The following ZNF587B variants were observed in gnomAD, a reference collection of about 807,000 sequenced individuals.
ZNF587B encodes zinc finger protein 587B.
Under a neutral mutation model 7.2 loss-of-function variants are expected in ZNF587B, and 6 were observed. The ratio of observed to expected loss-of-function variants is 0.83; its 90% confidence interval spans 0.46 to 1.65. The LOEUF (loss-of-function observed/expected upper bound fraction) is 1.65. ZNF587B is among the 40% of genes most tolerant of loss of function. The pLI is 0.01. For missense variants in ZNF587B, 749 were observed against 761.0 expected (o/e 0.98, Z 0.19); for synonymous variants, 274 against 254.3 (o/e 1.08, Z -0.74).
Position 57,842,358 on chromosome 19 carries a change from A to G in ZNF587B, c.1684A>G (p.Ser562Gly), listed in dbSNP as rs771198189. The G allele has an allele frequency of 3.1e-6, 5 of 1,606,120 alleles. No individual in the cohort carries two copies. The African/African-American group carries it at 6.7e-5, about 22-fold the overall frequency. Residue 562 changes from serine (S) to glycine (G), a missense_variant, in exon 3 of 3, where the codon AGC becomes GGC. Ser to Gly is a moderately conservative substitution (Grantham distance 56). This residue lies in a region of ZNF587B where 656 missense variants were observed against 596.5 expected (regional missense o/e 1.10). Coordinates refer to ENST00000594901, the MANE Select transcript of ZNF587B (RefSeq NM_001376223.1). ...TGAATGTGGGAAATCTTTTGCTGCAAGCTCCTATCTCACTAGTCACAGGAG... is the reference window on the plus strand; with the variant it reads ...TGAATGTGGGAAATCTTTTGCTGCAGGCTCCTATCTCACTAGTCACAGGAG... ...CSECGKSFAASSYLTSHRRVH... is the reference protein window; with the variant it reads ...CSECGKSFAAGSYLTSHRRVH...
rs1334674697 is a variant in ZNF587B at position 57,845,094 on chromosome 19, A to C, written c.*2518A>C. The C allele has an allele frequency of 6.6e-6, 1 of 151,726 alleles. No homozygotes were observed. The highest frequency in any genetic ancestry group is 1.5e-5 in the Non-Finnish European group (1 of 68,008). 9.4% of individuals were successfully genotyped at this position (151,726 alleles called of 1,614,324 possible). On this transcript the variant is annotated 3_prime_UTR_variant, in exon 3 of 3. Coordinates refer to ENST00000594901, the MANE Select transcript of ZNF587B (RefSeq NM_001376223.1). ...TGGGTTCAAGCGATTCTCCCACCTC[A>C]GTCACCCAAGTAGCTAGAATTACAG...
chr19:57,842,180 T>G lies in ZNF587B; in HGVS notation c.1506T>G (p.Phe502Leu), dbSNP rs557531123. The change falls in exon 3 of 3, where the codon TTT (phenylalanine) becomes TTG (leucine). Residue 502 changes from phenylalanine to leucine, a missense_variant. Physicochemically the swap from Phe to Leu is conservative, Grantham distance 22. This residue lies in a region of ZNF587B where 656 missense variants were observed against 596.5 expected (regional missense o/e 1.10). Coordinates refer to ENST00000594901, the MANE Select transcript of ZNF587B (RefSeq NM_001376223.1). Reference sequence around the variant, plus strand: ...ATGCTTGTGAGGCTTGTCAGAAATTTTTTAGGCACAAGTGCCACCTCACTG... The same window carrying G: ...ATGCTTGTGAGGCTTGTCAGAAATTGTTTAGGCACAAGTGCCACCTCACTG... ...KPYACEACQK[F>L]FRHKCHLTAH... The G allele has an allele frequency of 6.2e-7, 1 of 1,613,138 alleles. No homozygotes were observed. Among genetic ancestry groups the G allele is most frequent in the Non-Finnish European group, 8.5e-7 (1 of 1,179,596 alleles).
At position 57,840,922 on chromosome 19, in the gene ZNF587B, T is replaced by C; in HGVS notation, c.248T>C (p.Val83Ala). The change falls in exon 3 of 3, where the codon GTG becomes GCG. Residue 83 changes from valine (V) to alanine (A), a missense_variant. Around this residue, in one of 3 missense-constraint regions of ZNF587B, gnomAD observed 72 missense variants for 147.8 expected, o/e 0.49. Transcript: ENST00000594901. Reference protein sequence around the residue: ...IQRETQVRTPVTGVSPKKAHP... With the variant: ...IQRETQVRTPATGVSPKKAHP... ...AGAGAGACTCAGGTCAGGACTCCTG[T>C]GACAGGTGTGTCTCCCAAGAAGGCC... The C allele has an allele frequency of 1.3e-6, 2 of 1,574,270 alleles. No individual in the cohort carries two copies. Among genetic ancestry groups the C allele is most frequent in the African/African-American group, 1.4e-5 (1 of 72,966 alleles).
intron 2 of ZNF587B, among the ~76,000 whole-genome samples, chr19:57,840,529 C>T (rs543652991): frequency 2.1e-4 from 32 of 152,328 alleles, no homozygotes; most frequent in Non-Finnish European, 3.8e-4. Context: ...TCCCTCTCTA[C>T]AGCACTCACA....
chr19:57,838,771 C>T (rs112369558), intron 1 of ZNF587B, among the ~76,000 whole-genome samples: 13,649 of 152,114 alleles, frequency 0.09, 1,749 homozygotes, highest in African/African-American at 0.29. Flanking sequence ...CATTGGGCTT[C>T]CCATGACCTC....
At position 57,843,563 on chromosome 19, in the gene ZNF587B, T is replaced by G. The variant is rs555593633; in HGVS notation, c.*987T>G. 798 of 948,114 alleles carry G rather than the reference T, an allele frequency of 8.4e-4. 3 individuals carry two copies. Among genetic ancestry groups the G allele is most frequent in the East Asian group, 4.1e-3 (34 of 8,218 alleles). 58.7% of individuals were successfully genotyped at this position (948,114 alleles called of 1,614,324 possible). On this transcript the variant is annotated 3_prime_UTR_variant, in exon 3 of 3. Transcript: ENST00000594901. ...AGAGATTTTTTTTTTAAGTTTTTTG[T>G]TTGGTTGGTTGGTTGGTTGGTTGGT...
Position 57,842,416 on chromosome 19 carries a change from G to A in ZNF587B, c.1742G>A (p.Ser581Asn). 1.2e-6 allele frequency: 2 copies of A among 1,600,014 alleles called. No individual in the cohort carries two copies. The highest frequency in any genetic ancestry group is 1.7e-6 in the Non-Finnish European group (2 of 1,174,330). Residue 581 changes from serine (S) to asparagine (N), a missense_variant, in exon 3 of 3, where the codon AGT (serine) becomes AAT (asparagine). Ser to Asn is a conservative substitution (Grantham distance 46). Coordinates refer to ENST00000594901, the MANE Select transcript of ZNF587B (RefSeq NM_001376223.1). ...ACTGGTCAGAAGCCTTATGAGTGCA[G>A]TGAATGTGGGAAATCTTTTGCTGGA... Reference protein sequence around the residue: ...VHTGQKPYECSECGKSFAGIS... With the variant: ...VHTGQKPYECNECGKSFAGIS...
chr19:57,834,834 G>A (rs1471758397), intron 1 of ZNF587B, among the ~76,000 whole-genome samples: 1 of 129,128 alleles, frequency 7.7e-6, no homozygotes, highest in Admixed American at 8.3e-5. Context: ...GACAGAGCGA[G>A]ACTCTCTCTT....
intron 1 of ZNF587B, among the ~76,000 whole-genome samples, chr19:57,835,828 G>A (rs1278438015): frequency 6.9e-6 from 1 of 144,832 alleles, no homozygotes; most frequent in Non-Finnish European, 1.5e-5. Flanking sequence ...ATCTGGGAAG[G>A]AATTGATATT....
At chr19:57,836,429 A>G (rs1184567911) in intron 1 of ZNF587B, among the ~76,000 whole-genome samples, 1 of 152,200 alleles carries the variant, frequency 6.6e-6, no homozygotes, top group African/African-American at 2.4e-5. Flanking sequence ...GTGATTTGCC[A>G]CCTGGATGCC....
chr19:57,840,261 C>G (rs1172602378), intron 2 of ZNF587B, among the ~76,000 whole-genome samples: 1 of 152,052 alleles, frequency 6.6e-6, no homozygotes, highest in East Asian at 1.9e-4. Flanking sequence ...ACACTTGTCA[C>G]TTGTCTATCT....
chr19:57,837,283 T>C (rs1988654404), intron 1 of ZNF587B, among the ~76,000 whole-genome samples: 1 of 151,682 alleles, frequency 6.6e-6, no homozygotes, highest in Non-Finnish European at 1.5e-5. Context: ...TGAGGCACAA[T>C]TTTGCTTTTG....
In ZNF587B at chr19:57,845,107, G is replaced by C. The variant is rs1249973543; in HGVS notation, c.*2531G>C. ...TTCTCCCACCTCAGTCACCCAAGTA[G>C]CTAGAATTACAGGTGCATGCCACCA... is the stretch of plus-strand genomic sequence containing the variant. On this transcript the variant is annotated 3_prime_UTR_variant, in exon 3 of 3. Coordinates refer to ENST00000594901, the MANE Select transcript of ZNF587B (RefSeq NM_001376223.1). 1 of 151,980 alleles carries C rather than the reference G, an allele frequency of 6.6e-6. No homozygotes were observed. Among genetic ancestry groups the C allele is most frequent in the Non-Finnish European group, 1.5e-5 (1 of 68,048 alleles). The allele number at this position is 151,980 out of a possible 1,614,324, so 9.4% of individuals were successfully genotyped here.
At position 57,841,439 on chromosome 19, in the gene ZNF587B, T is replaced by C. The variant is rs1406933675; in HGVS notation, c.765T>C (p.Val255=). The part of the protein sequence containing the change: ...CECGKSFSKY[V]SFSNHQRVHS... ...GTGGGAAATCCTTTAGCAAATATGT[T>C]AGCTTCAGTAATCATCAGAGAGTTC... The change falls in exon 3 of 3, where the codon GTT becomes GTC. Residue 255 remains valine (V), a synonymous_variant. Transcript: ENST00000594901. The C allele has an allele frequency of 5.0e-6, 8 of 1,584,680 alleles. No homozygotes were observed. The highest frequency in any genetic ancestry group is 6.0e-6 in the Non-Finnish European group (7 of 1,164,482).
intron 1 of ZNF587B, among the ~76,000 whole-genome samples, chr19:57,835,520 C>T (rs1013070174): frequency 2.7e-4 from 34 of 124,582 alleles, no homozygotes; most frequent in African/African-American, 9.9e-4. Flanking sequence ...GCATCACGCC[C>T]GGCTAATTTT....
In ZNF587B at chr19:57,842,139, A is replaced by G. The variant is rs770833510; in HGVS notation, c.1465A>G (p.Ser489Gly). ...SHLLVHQRIH[S>G]GEKPYACEAC... ...CCTCCTTGTACACCAGAGAATTCACAGTGGAGAGAAGCCATATGCTTGTGA... is the reference window on the plus strand; with the variant it reads ...CCTCCTTGTACACCAGAGAATTCACGGTGGAGAGAAGCCATATGCTTGTGA... The change falls in exon 3 of 3, where the codon AGT (serine) becomes GGT (glycine). Residue 489 changes from serine to glycine, a missense_variant. Coordinates refer to ENST00000594901, the MANE Select transcript of ZNF587B (RefSeq NM_001376223.1). 3.5e-5 allele frequency: 57 copies of G among 1,612,032 alleles called. No individual in the cohort carries two copies. The highest frequency in any genetic ancestry group is 4.7e-5 in the Non-Finnish European group (56 of 1,179,034).
rs8102233 is a variant in ZNF587B, at chr19:57,843,606, T to G, written c.*1030T>G. The G allele has an allele frequency of 1.1e-3, 984 of 908,510 alleles. 6 individuals carry two copies. Among genetic ancestry groups the G allele is most frequent in the South Asian group, 3.3e-3 (64 of 19,606 alleles). The allele number at this position is 908,510 out of a possible 1,614,324, so 56.3% of individuals were successfully genotyped here. A position where few individuals can be genotyped will look rare whatever the true frequency, so the allele number is the denominator to read the frequency against. Reference sequence around the variant, plus strand: ...TGGTTGGTTGTTTTTTTTTGTTTTTTTTTTTTTTTTTTTTGGAGACAAAGT... The same window carrying G: ...TGGTTGGTTGTTTTTTTTTGTTTTTGTTTTTTTTTTTTTTGGAGACAAAGT... On this transcript the variant is annotated 3_prime_UTR_variant, in exon 3 of 3. Transcript: ENST00000594901.
chr19:57,830,633 AAG>A, intron 1 of ZNF587B, 69 bp downstream of exon 1: 1 of 1,518,768 alleles, frequency 6.6e-7, no homozygotes, highest in Admixed American at 2.0e-5. Context: ...TCTTGCAAGG[AAG>A]AGTCTTTAAG....
intron 1 of ZNF587B, among the ~76,000 whole-genome samples, chr19:57,831,506 C>T (rs1331757486): frequency 1.3e-5 from 2 of 152,044 alleles, no homozygotes; most frequent in African/African-American, 2.4e-5. Flanking sequence ...GATTCTCCTG[C>T]CTCAGCCTCC....
Sources: allele counts gnomAD v4.1 joint callset (sites outside exome capture counted in the v4.1 genomes callset), GRCh38; gene constraint gnomAD v4.1.1; regional missense constraint gnomAD v4.1.1; transcripts MANE v1.5; gene names NCBI Gene and HGNC (gene_info 2026-07-23, HGNC 2026-07-21).